POU2F1: variants seen among roughly 807,000 people sequenced by gnomAD.
POU2F1 encodes the protein POU domain, class 2, transcription factor 1.
Under a neutral mutation model 84.9 loss-of-function variants are expected in POU2F1, and 16 were observed. That is an observed-to-expected ratio of 0.19 (90% CI 0.13 to 0.29). The LOEUF (loss-of-function observed/expected upper bound fraction) is 0.29, where lower values mean the gene tolerates loss of function less well. Ranked by LOEUF, POU2F1 falls within the 10% of genes least tolerant of loss-of-function variation. POU2F1 has a pLI of 1.00. For missense variants in POU2F1, 738 were observed against 942.6 expected (o/e 0.78, Z 2.84); for synonymous variants, 368 against 368.3 (o/e 1.00, Z 0.01).
intron 13 of POU2F1, among the ~76,000 whole-genome samples, chr1:167,402,393 T>A (rs1028371084): frequency 2.0e-5 from 3 of 152,198 alleles, no homozygotes; most frequent in African/African-American, 7.2e-5. Context: ...GACCTACCCA[T>A]GATGTAAAAA....
At chr1:167,325,280 G>T (rs1304341935) in intron 1 of POU2F1, among the ~76,000 whole-genome samples, 1 of 152,150 alleles carries the variant, frequency 6.6e-6, no homozygotes, top group African/African-American at 2.4e-5. Context: ...GAAACCAGTG[G>T]TGCTAAAAGA....
chr1:167,261,871 G>C (rs1651594621), intron 1 of POU2F1, among the ~76,000 whole-genome samples: 1 of 152,084 alleles, frequency 6.6e-6, no homozygotes, highest in African/African-American at 2.4e-5. Flanking sequence ...TTTCAGTAGA[G>C]ATGAGGTTTC....
chr1:167,343,976 C>T (rs555996998), intron 2 of POU2F1, among the ~76,000 whole-genome samples: 43 of 151,922 alleles, frequency 2.8e-4, no homozygotes, highest in Admixed American at 8.5e-4. Flanking sequence ...GGACCAAGGA[C>T]GGAGCTCTTC....
At chr1:167,403,077 A>G (rs1424742107) in intron 13 of POU2F1, among the ~76,000 whole-genome samples, 1 of 152,100 alleles carries the variant, frequency 6.6e-6, no homozygotes, top group Non-Finnish European at 1.5e-5. Flanking sequence ...ACTTCTTACC[A>G]CTCACATTTT....
chr1:167,359,400 T>TA (rs2101812940), intron 2 of POU2F1, among the ~76,000 whole-genome samples: 1 of 152,266 alleles, frequency 6.6e-6, no homozygotes, highest in East Asian at 1.9e-4. Flanking sequence ...CTTTGTGTCT[T>TA]ATGTGTTTAA....
At chr1:167,247,920 A>C (rs945284413) in intron 1 of POU2F1, among the ~76,000 whole-genome samples, 6 of 152,244 alleles carry the variant, frequency 3.9e-5, no homozygotes, top group Non-Finnish European at 5.9e-5. Context: ...AGATAAAACA[A>C]CAATGGACAC....
chr1:167,412,518 T>C (rs947987388), intron 14 of POU2F1, among the ~76,000 whole-genome samples: 27 of 152,284 alleles, frequency 1.8e-4, no homozygotes, highest in African/African-American at 6.0e-4. Flanking sequence ...AGTCATACCT[T>C]TGTTTCCAGA....
chr1:167,317,001 C>T (rs1026235914), intron 1 of POU2F1, among the ~76,000 whole-genome samples: 2 of 152,198 alleles, frequency 1.3e-5, no homozygotes, highest in Admixed American at 1.3e-4. Flanking sequence ...AAGCAATTCT[C>T]GTGCCTCAGC....
intron 1 of POU2F1, among the ~76,000 whole-genome samples, chr1:167,263,693 C>G (rs912696456): frequency 2.0e-5 from 3 of 152,118 alleles, no homozygotes; most frequent in Admixed American, 6.5e-5. Context: ...GAATAAAGTC[C>G]AGATTTCATA....
intron 1 of POU2F1, among the ~76,000 whole-genome samples, chr1:167,271,825 G>T (rs758219778): frequency 2.0e-5 from 3 of 152,094 alleles, no homozygotes; most frequent in Non-Finnish European, 4.4e-5. Flanking sequence ...GGTCAAATTC[G>T]TGTTTTCTGT....
chr1:167,220,933 T>A lies in POU2F1; in HGVS notation c.36T>A (p.Ser12Arg). The change falls in exon 1 of 16, where the codon AGT becomes AGA. Residue 12 changes from serine (S) to arginine (R), a missense_variant. This residue lies in a region of POU2F1 where 161 missense variants were observed against 147.0 expected (regional missense o/e 1.10). Transcript: ENST00000367866. ...GAGGAGCAGCGAGTCAAGATGAGAG[T>A]TCAGCCGCGGCGGCAGCAGCAGCAG... The part of the protein sequence containing the change: ...ADGGAASQDE[S>R]SAAAAAAADS... 2.0e-6 allele frequency: 3 copies of A among 1,535,118 alleles called. No individual in the cohort carries two copies. The highest frequency in any genetic ancestry group is 2.4e-5 in the South Asian group (2 of 84,020).
At chr1:167,386,203 G>T (rs74608350) in intron 8 of POU2F1, among the ~76,000 whole-genome samples, 2 of 152,168 alleles carry the variant, frequency 1.3e-5, no homozygotes, top group East Asian at 3.9e-4. Context: ...TTTTGGGGGG[G>T]TGAGGGGGAG....
rs964616913 is a variant in POU2F1, at chr1:167,423,832, G to A, written c.*8022G>A. 1 of 152,196 alleles carries A rather than the reference G, an allele frequency of 6.6e-6. No homozygotes were observed. The highest frequency in any genetic ancestry group is 1.5e-5 in the Non-Finnish European group (1 of 68,048). 9.4% of individuals were successfully genotyped at this position (152,196 alleles called of 1,614,324 possible). A position where few individuals can be genotyped will look rare whatever the true frequency, so the allele number is the denominator to read the frequency against. Reference sequence around the variant, plus strand: ...AGGCTTCTTTCATAAATTGGCAGTGGCATTGAGTTCTCAAACATTATATCC... The same window carrying A: ...AGGCTTCTTTCATAAATTGGCAGTGACATTGAGTTCTCAAACATTATATCC... On this transcript the variant is annotated 3_prime_UTR_variant, in exon 16 of 16. Coordinates refer to ENST00000367866, the MANE Select transcript of POU2F1 (RefSeq NM_002697.4).
rs932491472 is a variant in POU2F1, at chr1:167,420,109, A to G, written c.*4299A>G. ...TCAGCCCAATCTTTAACATTAAAAA[A>G]TTTTCTTTTTAACTTGCTGGAAAAG... On this transcript the variant is annotated 3_prime_UTR_variant, in exon 16 of 16. Coordinates refer to ENST00000367866, the MANE Select transcript of POU2F1 (RefSeq NM_002697.4). 6.6e-6 allele frequency: 1 copy of G among 151,698 alleles called. No homozygotes were observed. Among genetic ancestry groups the G allele is most frequent in the Non-Finnish European group, 1.5e-5 (1 of 67,968 alleles). 9.4% of individuals were successfully genotyped at this position (151,698 alleles called of 1,614,324 possible). A position where few individuals can be genotyped will look rare whatever the true frequency, so the allele number is the denominator to read the frequency against.
chr1:167,375,240 C>T (rs922886381), intron 6 of POU2F1, among the ~76,000 whole-genome samples: 4 of 152,170 alleles, frequency 2.6e-5, no homozygotes, highest in Admixed American at 2.0e-4. Flanking sequence ...TTTGACTAAC[C>T]ATTTAAAAAG....
intron 13 of POU2F1, among the ~76,000 whole-genome samples, chr1:167,407,204 A>AT (rs762743846): frequency 6.1e-4 from 93 of 151,654 alleles, no homozygotes; most frequent in Non-Finnish European, 9.7e-4. Flanking sequence ...TAATATTTGT[A>AT]TTTTTTGTAG....
chr1:167,416,972 T>G lies in POU2F1; in HGVS notation c.*1162T>G, dbSNP rs1039043360. On this transcript the variant is annotated 3_prime_UTR_variant, in exon 16 of 16. Transcript: ENST00000367866. ...TTGTTTGTTCCATTTTGTGGAAGTT[T>G]TTCATCCAAACTTTAACTAACTTGG... 1.3e-5 allele frequency: 2 copies of G among 152,202 alleles called. No homozygotes were observed. The highest frequency in any genetic ancestry group is 4.8e-5 in the African/African-American group (2 of 41,454). The allele number at this position is 152,202 out of a possible 1,614,324, so 9.4% of individuals were successfully genotyped here.
intron 2 of POU2F1, among the ~76,000 whole-genome samples, chr1:167,339,363 G>A (rs756101469): frequency 6.6e-6 from 1 of 152,128 alleles, no homozygotes; most frequent in African/African-American, 2.4e-5. Context: ...TTGATGGGCT[G>A]TTGTTCTGCT....
At chr1:167,293,347 A>G (rs1161816993) in intron 1 of POU2F1, among the ~76,000 whole-genome samples, 2 of 152,232 alleles carry the variant, frequency 1.3e-5, no homozygotes, top group African/African-American at 2.4e-5. Context: ...CAAGCCAAGA[A>G]TCAAATCAAG....
Sources: allele counts gnomAD v4.1 joint callset (sites outside exome capture counted in the v4.1 genomes callset), GRCh38; gene constraint gnomAD v4.1.1; regional missense constraint gnomAD v4.1.1; transcripts MANE v1.5; gene names NCBI Gene and HGNC (gene_info 2026-07-23, HGNC 2026-07-21).